The following MYO3A variants were observed in gnomAD, a reference collection of about 807,000 sequenced individuals.
MYO3A encodes myosin-IIIa.
Under a neutral mutation model 192.7 loss-of-function variants are expected in MYO3A, and 180 were observed. That is an observed-to-expected ratio of 0.93 (90% CI 0.83 to 1.06). The LOEUF (loss-of-function observed/expected upper bound fraction) is 1.06, where lower values mean the gene tolerates loss of function less well. Among genes scored for constraint, MYO3A ranks in the 50% least tolerant of loss-of-function variants. MYO3A has a pLI of 0.00. For synonymous variants in MYO3A, 628 were observed against 645.3 expected, an observed-to-expected ratio of 0.97 and a Z score of 0.41; for missense variants, 1,896 against 1,905.0, an observed-to-expected ratio of 1.00 and a Z score of 0.09.
intron 22 of MYO3A, 79 bp downstream of exon 22, chr10:26,145,613 C>T (rs999769768): frequency 2.0e-5 from 22 of 1,123,356 alleles, no homozygotes; most frequent in Non-Finnish European, 2.8e-5. Flanking sequence ...AAATTATGGC[C>T]CAAAATGTTT....
chr10:26,052,404 A>G (rs911356710), intron 10 of MYO3A, among the ~76,000 whole-genome samples: 2 of 152,330 alleles, frequency 1.3e-5, no homozygotes, highest in African/African-American at 4.8e-5. Flanking sequence ...CTGTCACTCC[A>G]GGTATTGAGC....
At chr10:25,982,282 C>A (rs1839381645) in intron 4 of MYO3A, among the ~76,000 whole-genome samples, 1 of 152,114 alleles carries the variant, frequency 6.6e-6, no homozygotes, top group South Asian at 2.1e-4. Flanking sequence ...CCTATCCCTG[C>A]CGCCACCTGG....
chr10:26,209,857 G>A (rs1005141765), intron 34 of MYO3A, among the ~76,000 whole-genome samples: 1 of 152,140 alleles, frequency 6.6e-6, no homozygotes, highest in African/African-American at 2.4e-5. Context: ...CACTTTGGAA[G>A]GCTAAGGCAG....
intron 10 of MYO3A, among the ~76,000 whole-genome samples, chr10:26,056,919 G>T (rs1261483307): frequency 1.3e-5 from 2 of 151,848 alleles, no homozygotes; most frequent in Non-Finnish European, 2.9e-5. Flanking sequence ...ATTGACTGAG[G>T]TAGAGATAAT....
intron 26 of MYO3A, among the ~76,000 whole-genome samples, chr10:26,163,266 T>C (rs1841569573): frequency 6.6e-6 from 1 of 152,248 alleles, no homozygotes; most frequent in Non-Finnish European, 1.5e-5. Context: ...GGTATCTGCC[T>C]AGACTTTGAA....
At chr10:26,207,765 T>C (rs1325602410) in intron 34 of MYO3A, among the ~76,000 whole-genome samples, 1 of 93,826 alleles carries the variant, frequency 1.1e-5, no homozygotes, top group Non-Finnish European at 2.3e-5. Flanking sequence ...AAGGGTCTTC[T>C]GTGGTTCTAT....
chr10:26,093,960 G>C (rs1836856337), intron 15 of MYO3A, among the ~76,000 whole-genome samples: 1 of 152,190 alleles, frequency 6.6e-6, no homozygotes, highest in Admixed American at 6.5e-5. Context: ...TCAGGGGAGA[G>C]TTTCAGTGCA....
At chr10:26,008,793 G>C (rs546364996) in intron 6 of MYO3A, among the ~76,000 whole-genome samples, 2 of 152,012 alleles carry the variant, frequency 1.3e-5, no homozygotes, top group African/African-American at 4.8e-5. Context: ...CTGTAGACTA[G>C]TTCAACCATT....
chr10:25,999,933 C>G (rs1482106829), intron 6 of MYO3A, among the ~76,000 whole-genome samples: 2 of 152,206 alleles, frequency 1.3e-5, no homozygotes, highest in Non-Finnish European at 2.9e-5. Flanking sequence ...TCCATCTTTA[C>G]TGCTCCTGCC....
intron 8 of MYO3A, chr10:26,023,496 C>T (rs1339816): frequency 0.31 from 47,826 of 154,008 alleles, 7,734 homozygotes; most frequent in Middle Eastern, 0.44. Flanking sequence ...ACAGCTTTAT[C>T]GCTAATAGTA....
chr10:25,999,941 G>A (rs528583619), intron 6 of MYO3A, among the ~76,000 whole-genome samples: 3 of 152,164 alleles, frequency 2.0e-5, no homozygotes, highest in South Asian at 4.2e-4. Context: ...TACTGCTCCT[G>A]CCCTAGTTCT....
chr10:25,934,366 G>T (rs1303997848), intron 1 of MYO3A, 38 bp downstream of exon 1: 1 of 152,310 alleles, frequency 6.6e-6, no homozygotes, highest in Non-Finnish European at 1.5e-5. Context: ...GGCTTGGGGC[G>T]GCGGTGGGTA....
At position 25,954,861 on chromosome 10, in the gene MYO3A, T is replaced by C. The variant is rs1471135920; in HGVS notation, c.169-13T>C. ...TTTCTCACAGTTCTATTCTTATGACTTTTTGAAACTAGGATATTGACGAAG... is the reference window on the plus strand; with the variant it reads ...TTTCTCACAGTTCTATTCTTATGACCTTTTGAAACTAGGATATTGACGAAG... On this transcript the variant is annotated splice_polypyrimidine_tract_variant and intron_variant, in intron 3 of 34. Transcript: ENST00000642920. 1 of 1,610,446 alleles carries C rather than the reference T, an allele frequency of 6.2e-7. No homozygotes were observed. The highest frequency in any genetic ancestry group is 2.2e-5 in the East Asian group (1 of 44,750).
At position 26,145,574 on chromosome 10, in the gene MYO3A, C is replaced by G. The variant is rs1400279533; in HGVS notation, c.2505+40C>G. On this transcript the variant is annotated intron_variant, in intron 22 of 34. Coordinates refer to ENST00000642920, the MANE Select transcript of MYO3A (RefSeq NM_017433.5). ...GAATTATGACTGAGTTTCTCCTTAG[C>G]CTTTTAATGAATAATAGGATAGACA... 3.6e-6 allele frequency: 5 copies of G among 1,400,424 alleles called. No homozygotes were observed. The Admixed American group carries it at 5.0e-5, about 14-fold the overall frequency. 86.7% of individuals were successfully genotyped at this position (1,400,424 alleles called of 1,614,324 possible).
At chr10:26,194,599 G>T in intron 32 of MYO3A, among the ~76,000 whole-genome samples, 1 of 152,160 alleles carries the variant, frequency 6.6e-6, no homozygotes, top group East Asian at 1.9e-4. Flanking sequence ...CACCTCGCAG[G>T]CAGAAAATGA....
intron 14 of MYO3A, among the ~76,000 whole-genome samples, chr10:26,073,203 G>A (rs991585397): frequency 3.3e-5 from 5 of 150,642 alleles, no homozygotes; most frequent in East Asian, 2.0e-4. Flanking sequence ...CAGCCTGGGT[G>A]ACAGAACAAG....
chr10:25,940,300 T>G (rs1487534804), intron 2 of MYO3A, among the ~76,000 whole-genome samples: 1 of 147,774 alleles, frequency 6.8e-6, no homozygotes, highest in African/African-American at 2.5e-5. Context: ...TAAAGTCAGG[T>G]TTTTTTTTTC....
chr10:26,076,626 A>T (rs930309832), intron 14 of MYO3A, among the ~76,000 whole-genome samples: 1 of 151,998 alleles, frequency 6.6e-6, no homozygotes, highest in Non-Finnish European at 1.5e-5. Context: ...GAATTTTTAT[A>T]GTTTCAGGTA....
intron 4 of MYO3A, among the ~76,000 whole-genome samples, chr10:25,974,705 C>T (rs1838869985): frequency 6.6e-6 from 1 of 152,190 alleles, no homozygotes; most frequent in Admixed American, 6.5e-5. Flanking sequence ...TCTTCGCTGA[C>T]TGTATGCCCT....
Sources: allele counts gnomAD v4.1 joint callset (sites outside exome capture counted in the v4.1 genomes callset), GRCh38; gene constraint gnomAD v4.1.1; transcripts MANE v1.5; gene names NCBI Gene and HGNC (gene_info 2026-07-23, HGNC 2026-07-21).